The following EPHA5 variants were observed in gnomAD, a reference collection of about 807,000 sequenced individuals.
EPHA5 encodes ephrin type-A receptor 5.
Under a neutral mutation model 105.0 loss-of-function variants are expected in EPHA5, and 60 were observed. The observed-to-expected ratio is 0.57, with a 90% CI of 0.46 to 0.71. The LOEUF is 0.71. Among genes scored for constraint, EPHA5 ranks in the 30% least tolerant of loss-of-function variants. EPHA5 has a pLI of 0.00. For synonymous variants in EPHA5, 513 were observed against 449.1 expected, an observed-to-expected ratio of 1.14 and a Z score of -1.80; for missense variants, 1,218 against 1,274.7, an observed-to-expected ratio of 0.96 and a Z score of 0.68.
At chr4:65,517,630 A>C (rs534700743) in intron 3 of EPHA5, among the ~76,000 whole-genome samples, 2 of 151,938 alleles carry the variant, frequency 1.3e-5, no homozygotes, top group Non-Finnish European at 2.9e-5. Context: ...GGAATACTGA[A>C]TAATTTTCAT....
At position 65,669,845 on chromosome 4, in the gene EPHA5, C is replaced by G; in HGVS notation, c.-103G>C. ...GACTCGGGAGTCCTCCTTGTCCCCC[C>G]TTGGGGTCCTACGCCTTCTGGCACG... On this transcript the variant is annotated 5_prime_UTR_variant, in exon 1 of 17. Transcript: ENST00000613740. The G allele has an allele frequency of 8.1e-7, 1 of 1,231,738 alleles. No homozygotes were observed. Among genetic ancestry groups the G allele is most frequent in the Non-Finnish European group, 1.0e-6 (1 of 988,060 alleles). The allele number at this position is 1,231,738 out of a possible 1,614,324, so 76.3% of individuals were successfully genotyped here. A position where few individuals can be genotyped will look rare whatever the true frequency, so the allele number is the denominator to read the frequency against.
At chr4:65,586,612 G>A (rs1343839953) in intron 3 of EPHA5, among the ~76,000 whole-genome samples, 1 of 151,482 alleles carries the variant, frequency 6.6e-6, no homozygotes, top group Non-Finnish European at 1.5e-5. Context: ...AAACTAAAAT[G>A]TGGTATATTC....
At chr4:65,627,447 A>G (rs1326833138) in intron 2 of EPHA5, among the ~76,000 whole-genome samples, 1 of 152,124 alleles carries the variant, frequency 6.6e-6, no homozygotes, top group Admixed American at 6.6e-5. Flanking sequence ...GGCTTAACAC[A>G]TTTATTTTCT....
At chr4:65,452,246 G>T (rs1272301247) in intron 5 of EPHA5, among the ~76,000 whole-genome samples, 1 of 152,090 alleles carries the variant, frequency 6.6e-6, no homozygotes, top group Non-Finnish European at 1.5e-5. Context: ...TGTGGTGGGA[G>T]TTAAAATTTA....
chr4:65,472,534 T>A (rs1729389166), intron 5 of EPHA5, among the ~76,000 whole-genome samples: 1 of 152,182 alleles, frequency 6.6e-6, no homozygotes, highest in Admixed American at 6.5e-5. Context: ...AAATCTAGGT[T>A]CCCAAACCTC....
At chr4:65,404,677 G>C (rs1722186589) in intron 7 of EPHA5, among the ~76,000 whole-genome samples, 198 bp from the exon 8 acceptor site, 2 of 152,130 alleles carry the variant, frequency 1.3e-5, no homozygotes, top group African/African-American at 2.4e-5. Context: ...TTTCCAAATA[G>C]AGATTTGAGA....
intron 1 of EPHA5, among the ~76,000 whole-genome samples, chr4:65,653,407 A>G (rs750390471): frequency 3.3e-5 from 5 of 152,136 alleles, no homozygotes; most frequent in Non-Finnish European, 7.4e-5. Flanking sequence ...TTATCATTAA[A>G]AACTAGTCAA....
intron 2 of EPHA5, among the ~76,000 whole-genome samples, chr4:65,610,288 C>T (rs1469648976): frequency 6.6e-6 from 1 of 151,978 alleles, no homozygotes; most frequent in Non-Finnish European, 1.5e-5. Flanking sequence ...AACGGAAATC[C>T]AAATACTGCA....
At position 65,659,469 on chromosome 4, in the gene EPHA5, C is replaced by T. The variant is rs566175107; in HGVS notation, c.181+10093G>A. Among the ~76,000 whole-genome samples, 14 of 151,210 alleles carry T rather than the reference C, an allele frequency of 9.3e-5. 1 individual carries two copies. The highest frequency in any genetic ancestry group is 3.3e-4 in the Admixed American group (5 of 15,144). On this transcript the variant is annotated intron_variant, in intron 1 of 16. Transcript: ENST00000613740. ...ACAATGAAGAGAGAAGATGTTAATA[C>T]GAGTTAAATTAGTGTGTAAGAGTAT...
intron 3 of EPHA5, among the ~76,000 whole-genome samples, chr4:65,499,463 C>T (rs1291075618): frequency 6.6e-6 from 1 of 151,568 alleles, no homozygotes; most frequent in Non-Finnish European, 1.5e-5. Flanking sequence ...AAATTATTTT[C>T]CATATATACA....
At chr4:65,506,013 A>G (rs1020368385) in intron 3 of EPHA5, among the ~76,000 whole-genome samples, 1 of 151,986 alleles carries the variant, frequency 6.6e-6, no homozygotes, top group South Asian at 2.1e-4. Flanking sequence ...TGCCCACCCC[A>G]TAACAGGCCC....
chr4:65,617,022 T>A (rs2149469215), intron 2 of EPHA5, among the ~76,000 whole-genome samples: 1 of 152,224 alleles, frequency 6.6e-6, no homozygotes, highest in South Asian at 2.1e-4. Context: ...TGGTTTTATA[T>A]AATATTTCCC....
chr4:65,398,866 A>G (rs1469994561), intron 8 of EPHA5, among the ~76,000 whole-genome samples: 3 of 152,158 alleles, frequency 2.0e-5, no homozygotes, highest in South Asian at 4.1e-4. Flanking sequence ...TTAAAGCTAT[A>G]CTGTTACTCA....
chr4:65,427,264 A>C (rs1358654377), intron 5 of EPHA5, among the ~76,000 whole-genome samples: 1 of 145,294 alleles, frequency 6.9e-6, no homozygotes, highest in African/African-American at 2.6e-5. Flanking sequence ...TGCTCACTGC[A>C]ACCTCTGCCT....
intron 8 of EPHA5, among the ~76,000 whole-genome samples, chr4:65,403,608 AGTTT>A (rs1406237666): frequency 1.3e-5 from 2 of 152,018 alleles, no homozygotes; most frequent in South Asian, 2.1e-4. Context: ...TGTTTTATTT[AGTTT>A]ATTTTGTTTT....
At chr4:65,548,699 T>C (rs573606608) in intron 3 of EPHA5, among the ~76,000 whole-genome samples, 1 of 152,252 alleles carries the variant, frequency 6.6e-6, no homozygotes, top group East Asian at 1.9e-4. Context: ...TGAATATCCA[T>C]ATAACACTTA....
intron 3 of EPHA5, among the ~76,000 whole-genome samples, chr4:65,540,450 C>T (rs910980280): frequency 4.0e-5 from 6 of 151,138 alleles, no homozygotes; most frequent in Admixed American, 1.3e-4. Context: ...CAGAGGATGT[C>T]TTTTCAGTAA....
intron 1 of EPHA5, among the ~76,000 whole-genome samples, chr4:65,660,975 T>C (rs982539826): frequency 1.3e-5 from 2 of 152,122 alleles, no homozygotes; most frequent in African/African-American, 4.8e-5. Flanking sequence ...ATGTAGGGCA[T>C]TTATTCAGTT....
intron 5 of EPHA5, among the ~76,000 whole-genome samples, chr4:65,442,008 G>A (rs539742828): frequency 6.6e-6 from 1 of 152,134 alleles, no homozygotes; most frequent in African/African-American, 2.4e-5. Context: ...AAAAGACTTA[G>A]ATGCTATTAT....
Sources: gnomAD v4.1 joint callset for allele counts (sites outside exome capture counted in the v4.1 genomes callset) on GRCh38, gnomAD v4.1.1 for gene constraint, MANE v1.5 for transcripts, NCBI Gene and HGNC (gene_info 2026-07-23, HGNC 2026-07-21) for gene names.